The following CNTNAP2 variants were observed in gnomAD, a reference collection of about 807,000 sequenced individuals.
CNTNAP2 encodes the protein contactin associated protein 2, also known as contactin-associated protein-like 2.
CNTNAP2 carries 98 observed loss-of-function variants against 155.2 expected under a neutral mutation model. The observed-to-expected ratio is 0.63, with a 90% CI of 0.54 to 0.75. The LOEUF is 0.75. Ranked by LOEUF, CNTNAP2 falls within the 30% of genes least tolerant of loss-of-function variation. The pLI, the probability that CNTNAP2 is intolerant of heterozygous loss-of-function variation, is 0.00. For missense variants in CNTNAP2, 1,727 were observed against 1,688.1 expected, an observed-to-expected ratio of 1.02 and a Z score of -0.40; for synonymous variants, 651 against 631.2, an observed-to-expected ratio of 1.03 and a Z score of -0.47.
rs73740832 is a variant in CNTNAP2 at position 146,727,741 on chromosome 7, C to T, written c.98-46530C>T. On this transcript the variant is annotated intron_variant, in intron 1 of 23. Transcript: ENST00000361727. ...CTCTACCCAGTAATATTTATAGAAG[C>T]GTATGTGTAATTGTTAGTAGGAGAA... Among the ~76,000 whole-genome samples, 1,491 of 152,174 alleles carry T rather than the reference C, an allele frequency of 9.8e-3. 31 individuals are homozygous for T. Among genetic ancestry groups the T allele is most frequent in the African/African-American group, 0.034 (1,416 of 41,520 alleles).
rs140315106 is a variant in CNTNAP2 at position 146,459,788 on chromosome 7, T to C, written c.98-314483T>C. On this transcript the variant is annotated intron_variant, in intron 1 of 23. Transcript: ENST00000361727. ...GAGTTCAAGACCAGCCTGGCTAACA[T>C]GGTGAAACCCCATCTCTACAAAAAT... 1.4e-3 allele frequency among the ~76,000 whole-genome samples: 216 copies of C among 152,136 alleles called. 2 individuals carry two copies. The East Asian group carries it at 0.034, about 24-fold the overall frequency.
chr7:146,654,584 T>G (rs1252753195), intron 1 of CNTNAP2, among the ~76,000 whole-genome samples: 1 of 152,148 alleles, frequency 6.6e-6, no homozygotes, highest in East Asian at 1.9e-4. Flanking sequence ...AAAAAATACT[T>G]GGGGCTGCAT....
At chr7:147,185,977 A>G (rs760316574) in intron 8 of CNTNAP2, among the ~76,000 whole-genome samples, 36 of 152,262 alleles carry the variant, frequency 2.4e-4, no homozygotes, top group Non-Finnish European at 4.1e-4. Flanking sequence ...CATGATTGTG[A>G]ACTCGCTAAC....
chr7:147,383,168 A>G (rs1310423310), intron 9 of CNTNAP2, among the ~76,000 whole-genome samples: 2 of 152,118 alleles, frequency 1.3e-5, no homozygotes, highest in Admixed American at 6.6e-5. Context: ...AAGGTCTCTG[A>G]CCGGCAGTTT....
At chr7:146,275,525 C>A (rs1800149997) in intron 1 of CNTNAP2, among the ~76,000 whole-genome samples, 1 of 152,128 alleles carries the variant, frequency 6.6e-6, no homozygotes, top group Non-Finnish European at 1.5e-5. Context: ...GTCTGTATTT[C>A]TGTAAATGAT....
chr7:146,423,931 A>G (rs1352657625), intron 1 of CNTNAP2, among the ~76,000 whole-genome samples: 3 of 152,276 alleles, frequency 2.0e-5, no homozygotes, highest in African/African-American at 7.2e-5. Flanking sequence ...GATGTCTCTG[A>G]GCTTTTTGTC....
At chr7:147,176,536 T>C (rs368036335) in intron 8 of CNTNAP2, among the ~76,000 whole-genome samples, 1 of 150,106 alleles carries the variant, frequency 6.7e-6, no homozygotes, top group Admixed American at 6.7e-5. Flanking sequence ...ATATGCCTTT[T>C]TCCTCTTTCC....
intron 8 of CNTNAP2, among the ~76,000 whole-genome samples, chr7:147,271,409 G>C (rs1451119614): frequency 6.6e-6 from 1 of 152,164 alleles, no homozygotes; most frequent in Non-Finnish European, 1.5e-5. Context: ...TCCAAGTCCA[G>C]TCTTGTTCCC....
At chr7:147,620,644 CAG>C (rs1313813130) in intron 12 of CNTNAP2, among the ~76,000 whole-genome samples, 1 of 151,554 alleles carries the variant, frequency 6.6e-6, no homozygotes, top group African/African-American at 2.4e-5. Flanking sequence ...AGAGATCAAA[CAG>C]AAGAATTAGT....
rs574407204 is a variant in CNTNAP2 at position 146,159,074 on chromosome 7, G to A, written c.97+42101G>A. 2.2e-3 allele frequency among the ~76,000 whole-genome samples: 333 copies of A among 152,302 alleles called. 2 individuals are homozygous for A. Among genetic ancestry groups the A allele is most frequent in the Middle Eastern group, 3.4e-3 (1 of 294 alleles). On this transcript the variant is annotated intron_variant, in intron 1 of 23. Transcript: ENST00000361727. Reference sequence around the variant, plus strand: ...GAAACTCTACAAGCCAGAAGGGAGTGGGGGCCAGTATTCAACATTCTAAAG... The same window carrying A: ...GAAACTCTACAAGCCAGAAGGGAGTAGGGGCCAGTATTCAACATTCTAAAG...
At chr7:148,313,565 AGGCGTTT>A (rs768424691) in intron 21 of CNTNAP2, among the ~76,000 whole-genome samples, 63 of 152,224 alleles carry the variant, frequency 4.1e-4, no homozygotes, top group Non-Finnish European at 7.5e-4. Flanking sequence ...GCTGCAGTTC[AGGCGTTT>A]GGAGTTCTTG....
At chr7:146,611,214 G>A (rs949553974) in intron 1 of CNTNAP2, among the ~76,000 whole-genome samples, 1 of 152,166 alleles carries the variant, frequency 6.6e-6, no homozygotes, top group Non-Finnish European at 1.5e-5. Flanking sequence ...AGCTTCCTGA[G>A]TAGCTAGGGC....
intron 2 of CNTNAP2, among the ~76,000 whole-genome samples, chr7:146,789,651 G>C (rs1802636395): frequency 6.7e-6 from 1 of 148,932 alleles, no homozygotes; most frequent in African/African-American, 2.5e-5. Flanking sequence ...GTGGGAACCA[G>C]TAAAGATTTG....
chr7:147,912,780 C>T (rs959016915), intron 14 of CNTNAP2, among the ~76,000 whole-genome samples: 1 of 152,146 alleles, frequency 6.6e-6, no homozygotes, highest in Non-Finnish European at 1.5e-5. Flanking sequence ...TCATCCCAAG[C>T]CCTACCTCAG....
At chr7:147,657,994 C>T (rs1048342366) in intron 13 of CNTNAP2, among the ~76,000 whole-genome samples, 1 of 148,582 alleles carries the variant, frequency 6.7e-6, no homozygotes, top group South Asian at 2.2e-4. Flanking sequence ...CGGTGGCTCA[C>T]GCCTGTAATC....
intron 1 of CNTNAP2, among the ~76,000 whole-genome samples, chr7:146,144,564 A>T (rs1331303774): frequency 2.0e-5 from 3 of 152,236 alleles, no homozygotes; most frequent in African/African-American, 4.8e-5. Flanking sequence ...GGATGAGTGT[A>T]TGTGTAAAAC....
intron 1 of CNTNAP2, among the ~76,000 whole-genome samples, chr7:146,509,579 A>T (rs1797435965): frequency 6.6e-6 from 1 of 152,078 alleles, no homozygotes; most frequent in Non-Finnish European, 1.5e-5. Flanking sequence ...TTTTCTGATG[A>T]GCCACTGGGG....
chr7:147,361,541 T>C (rs1796147519), intron 9 of CNTNAP2, among the ~76,000 whole-genome samples: 1 of 152,210 alleles, frequency 6.6e-6, no homozygotes, highest in African/African-American at 2.4e-5. Context: ...TGTCCTAGGA[T>C]TAATTTTATT....
At chr7:147,741,073 A>G (rs1796948546) in intron 13 of CNTNAP2, among the ~76,000 whole-genome samples, 1 of 152,250 alleles carries the variant, frequency 6.6e-6, no homozygotes, top group Admixed American at 6.5e-5. Flanking sequence ...GAAGGCAAAG[A>G]GAAGTCTGCC....
Sources: allele counts gnomAD v4.1 joint callset (sites outside exome capture counted in the v4.1 genomes callset), GRCh38; gene constraint gnomAD v4.1.1; transcripts MANE v1.5; gene names NCBI Gene and HGNC (gene_info 2026-07-23, HGNC 2026-07-21).